Variants in ULK2 observed in about 807,000 individuals in gnomAD.
The protein encoded by ULK2 is unc-51 like autophagy activating kinase 2.
ULK2 carries 76 observed loss-of-function variants against 127.5 expected under a neutral mutation model. The observed-to-expected ratio is 0.60, with a 90% CI of 0.50 to 0.72. The LOEUF is 0.72. Ranked by LOEUF, ULK2 falls within the 30% of genes least tolerant of loss-of-function variation. ULK2 has a pLI of 0.00. For missense variants in ULK2, 1,144 were observed against 1,295.9 expected (o/e 0.88, Z 1.80); for synonymous variants, 452 against 461.9 (o/e 0.98, Z 0.28).
At chr17:19,781,615 A>C (rs1013508478) in intron 23 of ULK2, among the ~76,000 whole-genome samples, 3 of 152,180 alleles carry the variant, frequency 2.0e-5, no homozygotes, top group Non-Finnish European at 4.4e-5. Flanking sequence ...AGATGTGTGT[A>C]CTGTGAAAAT....
At position 19,867,441 on chromosome 17, in the gene ULK2, C is replaced by T. The variant is rs753251083; in HGVS notation, c.-24G>A. On this transcript the variant is annotated 5_prime_UTR_variant, in exon 1 of 27. Coordinates refer to ENST00000395544, the MANE Select transcript of ULK2 (RefSeq NM_014683.4). ...ATGGCCGCGCCCCCGGGGCACACAG[C>T]GGACGGGCGGGCGGCGCAGTGCGGC... 5.7e-6 allele frequency: 9 copies of T among 1,579,198 alleles called. No individual in the cohort carries two copies. The highest frequency in any genetic ancestry group is 7.7e-6 in the Non-Finnish European group (9 of 1,164,460).
In ULK2 at chr17:19,846,387, C is replaced by T. The variant is rs550147665; in HGVS notation, c.469+350G>A. 7.4e-4 allele frequency among the ~76,000 whole-genome samples: 112 copies of T among 152,142 alleles called. 1 individual carries two copies. Among genetic ancestry groups the T allele is most frequent in the Non-Finnish European group, 1.2e-3 (81 of 68,002 alleles). ...AGGTGTGGAGGCTCAAACCTGTAAT[C>T]CCAGCACTTGCGGAAGCTGAGGCGG... On this transcript the variant is annotated intron_variant, in intron 6 of 26. Transcript: ENST00000395544.
intron 20 of ULK2, among the ~76,000 whole-genome samples, chr17:19,787,003 C>CTTT (rs71157832): frequency 2.1e-5 from 3 of 145,546 alleles, no homozygotes; most frequent in Non-Finnish European, 3.0e-5. Flanking sequence ...CATTTATTTA[C>CTTT]TTTTTTTTTT....
At chr17:19,796,988 G>A (rs1205726467) in intron 18 of ULK2, among the ~76,000 whole-genome samples, 1 of 152,190 alleles carries the variant, frequency 6.6e-6, no homozygotes, top group East Asian at 1.9e-4. Context: ...CACAGAAAGT[G>A]CTCATTATAT....
intron 21 of ULK2, 81 bp downstream of exon 21, chr17:19,785,856 A>G: frequency 6.6e-7 from 1 of 1,515,944 alleles, no homozygotes; most frequent in Non-Finnish European, 8.8e-7. Flanking sequence ...TGACTTGTCC[A>G]AGTTACAACA....
At chr17:19,793,996 A>G (rs1480605269) in intron 20 of ULK2, among the ~76,000 whole-genome samples, 1 of 152,224 alleles carries the variant, frequency 6.6e-6, no homozygotes, top group Non-Finnish European at 1.5e-5. Flanking sequence ...ACAGATAGGT[A>G]ATACAGACAG....
At chr17:19,780,696 A>T in intron 24 of ULK2, 67 bp from the exon 25 acceptor site, 1 of 1,472,076 alleles carries the variant, frequency 6.8e-7, no homozygotes, top group Non-Finnish European at 9.1e-7. Context: ...AGTTATATGT[A>T]TCTTTCCTGC....
In ULK2 at chr17:19,783,824, C is replaced by G; in HGVS notation, c.2333G>C (p.Gly778Ala). 1 of 1,601,926 alleles carries G rather than the reference C, an allele frequency of 6.2e-7. No homozygotes were observed. Among genetic ancestry groups the G allele is most frequent in the Non-Finnish European group, 8.5e-7 (1 of 1,174,046 alleles). ...TGCCTCTGCTCCTGGAGGGGAAGAGCCGAAGCCTGGGCCAGGCGGGGACCC... is the reference window on the plus strand; with the variant it reads ...TGCCTCTGCTCCTGGAGGGGAAGAGGCGAAGCCTGGGCCAGGCGGGGACCC... ...CVGSPPGPGFGSSPPGAEAAP... is the reference protein window; with the variant it reads ...CVGSPPGPGFASSPPGAEAAP... Residue 778 changes from glycine (G) to alanine (A), a missense_variant, in exon 22 of 27, where the codon GGC becomes GCC. This residue lies in a region of ULK2 where 913 missense variants were observed against 970.5 expected (regional missense o/e 0.94). Transcript: ENST00000395544.
In ULK2 at chr17:19,851,326, CAAAAAAA is replaced by C. The variant is rs554643908; in HGVS notation, c.226-1559_226-1553del. Among the ~76,000 whole-genome samples the C allele has an allele frequency of 9.7e-4, 40 of 41,052 alleles. No individual in the cohort carries two copies. In the South Asian group the frequency reaches 0.015, roughly 15 times the overall value. The allele number at this position is 41,052 out of a possible 152,430, so 26.9% of individuals were successfully genotyped here. ...TGGGCAACAGAGTGAGACTTCCCCT[CAAAAAAA>C]AAAAAAAAAAAAAAAAAAATTAGGC... On this transcript the variant is annotated intron_variant, in intron 3 of 26. Transcript: ENST00000395544.
At chr17:19,858,313 T>C (rs989347501) in intron 3 of ULK2, among the ~76,000 whole-genome samples, 11 of 151,878 alleles carry the variant, frequency 7.2e-5, no homozygotes, top group African/African-American at 2.7e-4. Flanking sequence ...GGTGGGAGGA[T>C]GGCTTAAGCC....
rs1294117542 is a variant in ULK2, at chr17:19,861,284, CG to C, written c.225+3518del. ...AAGCAAGGCCGGGCGCGGTGGCTCA[CG>C]CCTGTTATCCCAGCACTTTGGGAGG... On this transcript the variant is annotated intron_variant, in intron 3 of 26. Coordinates refer to ENST00000395544, the MANE Select transcript of ULK2 (RefSeq NM_014683.4). 2.0e-5 allele frequency among the ~76,000 whole-genome samples: 3 copies of C among 152,140 alleles called. No individual in the cohort carries two copies. In the East Asian group the frequency reaches 5.8e-4, roughly 29 times the overall value.
chr17:19,782,080 C>A lies in ULK2; in HGVS notation c.2461-13G>T. On this transcript the variant is annotated splice_polypyrimidine_tract_variant and intron_variant, in intron 22 of 26. Transcript: ENST00000395544. ...CTGTGTGTTCCCGCTGCAGCAAAGT[C>A]AATTTGTCTTAGAAAATTTCAGATT... 6.2e-7 allele frequency: 1 copy of A among 1,611,814 alleles called. No homozygotes were observed. Among genetic ancestry groups the A allele is most frequent in the South Asian group, 1.1e-5 (1 of 90,724 alleles).
At chr17:19,785,327 T>C (rs1270868887) in intron 21 of ULK2, among the ~76,000 whole-genome samples, 1 of 152,186 alleles carries the variant, frequency 6.6e-6, no homozygotes, top group Non-Finnish European at 1.5e-5. Flanking sequence ...TTCTCCTGCC[T>C]CAGCCTCCTG....
intron 7 of ULK2, 123 bp from the exon 8 acceptor site, chr17:19,843,345 T>C (rs140936587): frequency 6.5e-4 from 367 of 565,586 alleles, no homozygotes; most frequent in Non-Finnish European, 9.5e-4. Context: ...CACCCTGTGA[T>C]AGTTCTCTAA....
chr17:19,808,507 G>C (rs1310120062), intron 14 of ULK2, among the ~76,000 whole-genome samples: 1 of 152,076 alleles, frequency 6.6e-6, no homozygotes, highest in Non-Finnish European at 1.5e-5. Flanking sequence ...AGAATGGGAA[G>C]AAATATTTGC....
At chr17:19,824,068 A>C (rs143333319) in intron 12 of ULK2, among the ~76,000 whole-genome samples, 190 of 152,348 alleles carry the variant, frequency 1.2e-3, no homozygotes, top group Middle Eastern at 3.4e-3. Context: ...CCTATATGAC[A>C]GGTAAGGTAC....
intron 13 of ULK2, among the ~76,000 whole-genome samples, chr17:19,812,943 GA>G (rs1197476131): frequency 6.6e-6 from 1 of 152,118 alleles, no homozygotes; most frequent in Non-Finnish European, 1.5e-5. Flanking sequence ...TCATACTTGG[GA>G]CAGAGTAAAA....
rs2041291408 is a variant in ULK2 at position 19,826,168 on chromosome 17, G to C, written c.806C>G (p.Pro269Arg). The change falls in exon 11 of 27, where the codon CCT becomes CGT. Residue 269 changes from proline to arginine, a missense_variant. Pro to Arg is a moderately radical substitution (Grantham distance 103). Around this residue, in one of 2 missense-constraint regions of ULK2, gnomAD observed 913 missense variants for 970.5 expected, o/e 0.94. Coordinates refer to ENST00000395544, the MANE Select transcript of ULK2 (RefSeq NM_014683.4). ...RMDFEAFFSH[P>R]FLEQGPVKKS... ...TTTTACTGGACCTTGCTCAAGAAAA[G>C]GATGGCTAAAAAATGCTTCTGTAAC... The C allele has an allele frequency of 2.0e-6, 3 of 1,475,094 alleles. No individual in the cohort carries two copies. The highest frequency in any genetic ancestry group is 5.0e-5 in the East Asian group (2 of 39,634). The allele number at this position is 1,475,094 out of a possible 1,614,324, so 91.4% of individuals were successfully genotyped here.
chr17:19,841,490 T>C lies in ULK2; in HGVS notation c.703A>G (p.Ser235Gly). The change falls in exon 9 of 27, where the codon AGT (serine) becomes GGT (glycine). Residue 235 changes from serine to glycine, a missense_variant and splice_region_variant. Around this residue, in one of 2 missense-constraint regions of ULK2, gnomAD observed 231 missense variants for 325.4 expected, o/e 0.71. Transcript: ENST00000395544. ...FYEKNRSLMP[S>G]IPRETSPYLA... ...ACCCAGTGTAATCTAAACACATACC[T>C]AGGCATTAAGCTCCTGTTTTTTTCA... 6.3e-7 allele frequency: 1 copy of C among 1,593,222 alleles called. No individual in the cohort carries two copies. The highest frequency in any genetic ancestry group is 8.5e-7 in the Non-Finnish European group (1 of 1,174,342).
Sources: gnomAD v4.1 joint callset for allele counts (sites outside exome capture counted in the v4.1 genomes callset) on GRCh38, gnomAD v4.1.1 for gene constraint, gnomAD v4.1.1 regional missense constraint, MANE v1.5 for transcripts, NCBI Gene and HGNC (gene_info 2026-07-23, HGNC 2026-07-21) for gene names.